Variants in ATP11B observed in about 807,000 individuals in gnomAD.
The protein encoded by ATP11B is phospholipid-transporting ATPase IF.
In ATP11B, 81 loss-of-function variants were observed where a neutral mutation model predicts 157.8. The ratio of observed to expected loss-of-function variants is 0.51; its 90% CI spans 0.43 to 0.62. The LOEUF (loss-of-function observed/expected upper bound fraction) is 0.62, where lower values mean the gene tolerates loss of function less well. ATP11B is among the 20% of genes least tolerant of loss of function. The pLI, the probability that ATP11B is intolerant of heterozygous loss-of-function variation, is 0.00. For missense variants in ATP11B, 1,165 were observed against 1,402.2 expected, an observed-to-expected ratio of 0.83 and a Z score of 2.70; for synonymous variants, 451 against 469.4, an observed-to-expected ratio of 0.96 and a Z score of 0.51.
intron 28 of ATP11B, among the ~76,000 whole-genome samples, chr3:182,904,907 A>G (rs111899350): frequency 1.6e-5 from 2 of 123,582 alleles, no homozygotes; most frequent in Non-Finnish European, 1.7e-5. Context: ...AAAAAAAAAA[A>G]AAAAAGGATT....
At chr3:182,874,708 T>C (rs1359914372) in intron 19 of ATP11B, among the ~76,000 whole-genome samples, 1 of 152,194 alleles carries the variant, frequency 6.6e-6, no homozygotes, top group Non-Finnish European at 1.5e-5. Flanking sequence ...CAGATGAACA[T>C]TTGCAATGTT....
intron 4 of ATP11B, among the ~76,000 whole-genome samples, chr3:182,831,497 A>G (rs963166085): frequency 6.6e-6 from 1 of 152,100 alleles, no homozygotes; most frequent in Non-Finnish European, 1.5e-5. Context: ...CACTTTGACC[A>G]AAACATGTCT....
intron 10 of ATP11B, among the ~76,000 whole-genome samples, chr3:182,850,951 G>A (rs1026219731): frequency 1.3e-5 from 2 of 152,264 alleles, no homozygotes; most frequent in Admixed American, 6.5e-5. Context: ...CGTGTCATTA[G>A]CAGCAACATG....
intron 2 of ATP11B, among the ~76,000 whole-genome samples, chr3:182,827,227 A>G (rs545731128): frequency 6.6e-6 from 1 of 152,240 alleles, no homozygotes; most frequent in South Asian, 2.1e-4. Context: ...CACAAATAAA[A>G]TTTGCAGCAT....
At chr3:182,900,464 A>T (rs956379797) in intron 28 of ATP11B, among the ~76,000 whole-genome samples, 1 of 152,204 alleles carries the variant, frequency 6.6e-6, no homozygotes, top group African/African-American at 2.4e-5. Flanking sequence ...AATGGGGCTA[A>T]AACAATTTGC....
intron 1 of ATP11B, among the ~76,000 whole-genome samples, chr3:182,804,062 A>G (rs1374641599): frequency 6.6e-6 from 1 of 152,040 alleles, no homozygotes; most frequent in Non-Finnish European, 1.5e-5. Flanking sequence ...AGCTCCATGG[A>G]AAATAGTTCT....
intron 8 of ATP11B, among the ~76,000 whole-genome samples, chr3:182,845,006 AT>A (rs375605298): frequency 7.9e-6 from 1 of 125,842 alleles, no homozygotes; most frequent in Non-Finnish European, 1.6e-5. Context: ...TTTTTTTTTT[AT>A]TTTTTTTTAT....
chr3:182,850,781 C>G (rs1577020207), intron 10 of ATP11B, among the ~76,000 whole-genome samples: 1 of 152,174 alleles, frequency 6.6e-6, no homozygotes, highest in East Asian at 1.9e-4. Context: ...AATATCTGCA[C>G]TTGCATGTTT....
At chr3:182,810,223 T>C (rs2108490170) in intron 1 of ATP11B, among the ~76,000 whole-genome samples, 1 of 152,002 alleles carries the variant, frequency 6.6e-6, no homozygotes, top group South Asian at 2.1e-4. Context: ...TCCCAGCTAC[T>C]CAGGAGGCTG....
intron 28 of ATP11B, 25 bp from the exon 29 acceptor site, chr3:182,913,836 A>C: frequency 6.2e-7 from 1 of 1,613,940 alleles, no homozygotes; most frequent in Non-Finnish European, 8.5e-7. Flanking sequence ...TAAACAACTG[A>C]TGTTTTCTGC....
At chr3:182,859,725 T>C (rs1486370461) in intron 12 of ATP11B, among the ~76,000 whole-genome samples, 2 of 152,196 alleles carry the variant, frequency 1.3e-5, no homozygotes, top group African/African-American at 4.8e-5. Context: ...TATGATTGTT[T>C]TAATATTGTT....
chr3:182,921,584 AAAG>A lies in ATP11B; in HGVS notation c.*3481_*3483del, dbSNP rs1295416821. The A allele has an allele frequency of 2.0e-5, 3 of 152,232 alleles. No homozygotes were observed. Among genetic ancestry groups the A allele is most frequent in the African/African-American group, 7.2e-5 (3 of 41,464 alleles). The allele number at this position is 152,232 out of a possible 1,614,324, so 9.4% of individuals were successfully genotyped here. ...ATTGTACAGCTACTCATAATTTTTT[AAAG>A]TTTATGAAGTTATATTTATCAAATA... On this transcript the variant is annotated 3_prime_UTR_variant, in exon 30 of 30. Coordinates refer to ENST00000323116, the MANE Select transcript of ATP11B (RefSeq NM_014616.3).
intron 1 of ATP11B, among the ~76,000 whole-genome samples, chr3:182,809,334 C>T (rs904145903): frequency 6.6e-5 from 10 of 152,226 alleles, no homozygotes; most frequent in Admixed American, 5.9e-4. Flanking sequence ...CTGCAACCTC[C>T]GCCTCCTGGG....
chr3:182,793,740 C>T lies in ATP11B; in HGVS notation c.-20C>T. On this transcript the variant is annotated 5_prime_UTR_variant, in exon 1 of 30. Transcript: ENST00000323116. ...CGCGGCCCCCGCGCCCCGCGGGACC[C>T]GGACGGCGACGACGGGGGAATGTGG... 1 of 1,406,722 alleles carries T rather than the reference C, an allele frequency of 7.1e-7. No individual in the cohort carries two copies. Among genetic ancestry groups the T allele is most frequent in the Non-Finnish European group, 9.3e-7 (1 of 1,074,456 alleles). The allele number at this position is 1,406,722 out of a possible 1,614,324, so 87.1% of individuals were successfully genotyped here.
chr3:182,875,131 T>C (rs1477896236), intron 19 of ATP11B, among the ~76,000 whole-genome samples: 1 of 152,188 alleles, frequency 6.6e-6, no homozygotes, highest in African/African-American at 2.4e-5. Context: ...TGATGCCCCA[T>C]TTAACACAGT....
At chr3:182,845,018 T>TTTTGAGATGGAGTC (rs1719389493) in intron 8 of ATP11B, among the ~76,000 whole-genome samples, 1 of 146,290 alleles carries the variant, frequency 6.8e-6, no homozygotes, top group African/African-American at 2.6e-5. Flanking sequence ...TTTTTTTTAT[T>TTTTGAGATGGAGTC]TTTGAGATGG....
chr3:182,809,695 A>G (rs370943061), intron 1 of ATP11B, among the ~76,000 whole-genome samples: 21 of 152,178 alleles, frequency 1.4e-4, no homozygotes, highest in African/African-American at 5.1e-4. Flanking sequence ...TTAGATATCC[A>G]TGCTAGTTGT....
chr3:182,904,748 G>T (rs562374666), intron 28 of ATP11B, among the ~76,000 whole-genome samples: 15 of 152,102 alleles, frequency 9.9e-5, no homozygotes, highest in African/African-American at 3.4e-4. Context: ...ATTAGCTGGG[G>T]TGTGGTGGCA....
chr3:182,863,818 A>T (rs917588645), intron 12 of ATP11B, among the ~76,000 whole-genome samples: 1 of 152,006 alleles, frequency 6.6e-6, no homozygotes, highest in Non-Finnish European at 1.5e-5. Flanking sequence ...GTATTCTAGT[A>T]ACCTCTGAGT....
Sources: allele counts gnomAD v4.1 joint callset (sites outside exome capture counted in the v4.1 genomes callset), GRCh38; gene constraint gnomAD v4.1.1; transcripts MANE v1.5; gene names NCBI Gene and HGNC (gene_info 2026-07-23, HGNC 2026-07-21).